CTTNBP2: variants seen among roughly 807,000 people sequenced by gnomAD.
CTTNBP2 encodes cortactin-binding protein 2.
A neutral mutation model predicts 156.9 loss-of-function variants in CTTNBP2; 108 were observed. The ratio of observed to expected loss-of-function variants is 0.69; its 90% CI spans 0.59 to 0.81. CTTNBP2 has a LOEUF of 0.81. Ranked by LOEUF, CTTNBP2 falls within the 30% of genes least tolerant of loss-of-function variation. CTTNBP2 has a pLI of 0.00. For missense variants in CTTNBP2, 1,924 were observed against 2,035.4 expected (o/e 0.95, Z 1.05); for synonymous variants, 767 against 751.8 (o/e 1.02, Z -0.33).
intron 2 of CTTNBP2, among the ~76,000 whole-genome samples, chr7:117,832,737 CTTTT>C (rs927988376): frequency 3.5e-5 from 4 of 112,994 alleles, no homozygotes; most frequent in Admixed American, 8.7e-5. Flanking sequence ...ATTCATCAAC[CTTTT>C]TTTTTTTTTT....
At chr7:117,806,368 A>C (rs1319378388) in intron 3 of CTTNBP2, among the ~76,000 whole-genome samples, 1 of 152,248 alleles carries the variant, frequency 6.6e-6, no homozygotes. Flanking sequence ...GAAAGCAATT[A>C]CAGCCATTTA....
Position 117,725,132 on chromosome 7 carries a change from C to T in CTTNBP2, c.4181G>A (p.Gly1394Glu). ...QTTAKRHPSQ[G>E]QQAVVKAALS... The stretch of plus-strand genomic sequence containing the variant: ...AGCAGCTTTGACCACAGCCTGCTGT[C>T]CTTGGCTAGGGTGTCTTTTAGCAGT... The change falls in exon 18 of 23, where the codon GGA (glycine) becomes GAA (glutamate). Residue 1394 changes from glycine to glutamate, a missense_variant. Coordinates refer to ENST00000160373, the MANE Select transcript of CTTNBP2 (RefSeq NM_033427.3). The T allele has an allele frequency of 1.2e-6, 2 of 1,613,474 alleles. No homozygotes were observed. The highest frequency in any genetic ancestry group is 1.7e-6 in the Non-Finnish European group (2 of 1,180,024).
chr7:117,830,972 T>G (rs925481046), intron 2 of CTTNBP2, among the ~76,000 whole-genome samples: 1 of 152,204 alleles, frequency 6.6e-6, no homozygotes, highest in Non-Finnish European at 1.5e-5. Flanking sequence ...AGTTTTTTTT[T>G]TAATTTTTTT....
At chr7:117,746,595 C>CA (rs1796345545) in intron 12 of CTTNBP2, among the ~76,000 whole-genome samples, 1 of 152,052 alleles carries the variant, frequency 6.6e-6, no homozygotes, top group Non-Finnish European at 1.5e-5. Flanking sequence ...TGTTTCCTTC[C>CA]AGTTTTTTCT....
At chr7:117,774,269 G>T (rs1222124531) in intron 8 of CTTNBP2, among the ~76,000 whole-genome samples, 1 of 152,116 alleles carries the variant, frequency 6.6e-6, no homozygotes, top group African/African-American at 2.4e-5. Flanking sequence ...ACAGATTTGG[G>T]AATTTGATCT....
rs1242142435 is a variant in CTTNBP2, at chr7:117,767,081, G to A, written c.2874C>T (p.Cys958=). 4 of 1,597,516 alleles carry A rather than the reference G, an allele frequency of 2.5e-6. No individual in the cohort carries two copies. The highest frequency in any genetic ancestry group is 3.4e-6 in the Non-Finnish European group (4 of 1,164,770). The change falls in exon 9 of 23, where the codon TGC becomes TGT. Residue 958 remains cysteine (C), a synonymous_variant. Coordinates refer to ENST00000160373, the MANE Select transcript of CTTNBP2 (RefSeq NM_033427.3). The stretch of plus-strand genomic sequence containing the variant: ...CACTCAGATTCTCCAGCAAATGCTT[G>A]CAGTCATCAGTGGCAACATCATGCA... ...RTVHDVATDD[C]KHLLENLNAL...
At chr7:117,714,145 G>A (rs1038230566) in intron 22 of CTTNBP2, 3 of 152,232 alleles carry the variant, frequency 2.0e-5, no homozygotes, top group Admixed American at 1.3e-4. Flanking sequence ...AATCTGCTTA[G>A]TATGTTCTGC....
chr7:117,843,985 C>A (rs536995585), intron 2 of CTTNBP2, among the ~76,000 whole-genome samples: 1 of 152,132 alleles, frequency 6.6e-6, no homozygotes, highest in African/African-American at 2.4e-5. Flanking sequence ...CAGCAAGGGT[C>A]ATCATAAGAG....
At chr7:117,840,580 C>T (rs978773885) in intron 2 of CTTNBP2, among the ~76,000 whole-genome samples, 1 of 152,188 alleles carries the variant, frequency 6.6e-6, no homozygotes, top group South Asian at 2.1e-4. Flanking sequence ...CCTTTCCATA[C>T]ATGTAAACCA....
At chr7:117,812,286 A>T (rs1396226779) in intron 2 of CTTNBP2, among the ~76,000 whole-genome samples, 1 of 152,086 alleles carries the variant, frequency 6.6e-6, no homozygotes, top group African/African-American at 2.4e-5. Flanking sequence ...CACTAGAATG[A>T]AAAAAAATCT....
chr7:117,808,945 A>C (rs1800105071), intron 3 of CTTNBP2, among the ~76,000 whole-genome samples: 1 of 152,158 alleles, frequency 6.6e-6, no homozygotes, highest in East Asian at 1.9e-4. Flanking sequence ...AATCTACTAA[A>C]ATATAATATT....
chr7:117,779,659 GT>G (rs906846666), intron 7 of CTTNBP2, among the ~76,000 whole-genome samples: 14 of 151,126 alleles, frequency 9.3e-5, no homozygotes, highest in East Asian at 5.8e-4. Context: ...AAAATAGGAA[GT>G]TTTTTTAAGA....
chr7:117,865,808 T>C (rs1359064964), intron 1 of CTTNBP2, among the ~76,000 whole-genome samples: 1 of 150,488 alleles, frequency 6.6e-6, no homozygotes, highest in African/African-American at 2.4e-5. Context: ...AAATCTGGCA[T>C]GGCAGCTTCA....
rs1799059318 is a variant in CTTNBP2 at position 117,792,047 on chromosome 7, TTCC to T, written c.1146_1148del (p.Glu383del). ...GTGTTGAGCCAGTGCTTGGTCCATTTTCCTCAATTTTGTTTGCACTTGGAGGTG... is the reference window on the plus strand; with the variant it reads ...GTGTTGAGCCAGTGCTTGGTCCATTTTCAATTTTGTTTGCACTTGGAGGTG... On this transcript the variant is annotated inframe_deletion, in exon 4 of 23. Transcript: ENST00000160373. The surrounding 1 kb of genome is among the most constrained non-coding windows in gnomAD (Gnocchi z 4.2). 1 of 1,614,120 alleles carries T rather than the reference TTCC, an allele frequency of 6.2e-7. No individual in the cohort carries two copies. The highest frequency in any genetic ancestry group is 8.5e-7 in the Non-Finnish European group (1 of 1,180,022).
intron 2 of CTTNBP2, among the ~76,000 whole-genome samples, chr7:117,839,055 T>C (rs1802124213): frequency 6.6e-6 from 1 of 152,028 alleles, no homozygotes; most frequent in Non-Finnish European, 1.5e-5. Context: ...CATAGGTTTA[T>C]GGTCCTTTCC....
intron 20 of CTTNBP2, among the ~76,000 whole-genome samples, chr7:117,720,324 T>A (rs1794711726): frequency 6.6e-6 from 1 of 152,214 alleles, no homozygotes; most frequent in South Asian, 2.1e-4. Context: ...AACATTTCTA[T>A]AATTGTCCAA....
chr7:117,814,142 AAAAATT>A (rs1800440391), intron 2 of CTTNBP2, among the ~76,000 whole-genome samples: 2 of 152,194 alleles, frequency 1.3e-5, no homozygotes, highest in Non-Finnish European at 2.9e-5. Context: ...TAAGTGGGTT[AAAAATT>A]AAAATTAATT....
intron 2 of CTTNBP2, among the ~76,000 whole-genome samples, chr7:117,844,468 A>T (rs908546755): frequency 6.6e-6 from 1 of 152,188 alleles, no homozygotes; most frequent in Non-Finnish European, 1.5e-5. Flanking sequence ...ATCAAGTCCA[A>T]CATTATTTTT....
chr7:117,745,412 CT>C (rs1231519917), intron 14 of CTTNBP2, among the ~76,000 whole-genome samples: 1 of 152,170 alleles, frequency 6.6e-6, no homozygotes, highest in African/African-American at 2.4e-5. Flanking sequence ...AGGTGCAGCA[CT>C]AAGGGATGTA....
Sources: gnomAD v4.1 joint callset for allele counts (sites outside exome capture counted in the v4.1 genomes callset) on GRCh38, gnomAD v4.1.1 for gene constraint, Gnocchi (gnomAD v3.1) non-coding constraint, MANE v1.5 for transcripts, NCBI Gene and HGNC (gene_info 2026-07-23, HGNC 2026-07-21) for gene names.